The following DOP1B variants were observed in gnomAD, a reference collection of about 807,000 sequenced individuals.
DOP1B encodes the protein protein DOP1B.
A neutral mutation model predicts 233.5 loss-of-function variants in DOP1B; 174 were observed. The ratio of observed to expected loss-of-function variants is 0.75; its 90% confidence interval spans 0.66 to 0.85. The LOEUF is 0.85. Among genes scored for constraint, DOP1B ranks in the 40% least tolerant of loss-of-function variants. The probability of loss-of-function intolerance (pLI) is 0.00; values close to 1 mark genes in which losing one functional copy is unlikely to be tolerated. For synonymous variants in DOP1B, 1,190 were observed against 1,185.6 expected (o/e 1.00, Z -0.08); for missense variants, 2,652 against 2,846.6 (o/e 0.93, Z 1.56).
At chr21:36,293,205 C>CAA (rs3989100) in intron 36 of DOP1B, 115 bp from the exon 37 acceptor site, 607 of 1,030,322 alleles carry the variant, frequency 5.9e-4, no homozygotes, top group South Asian at 8.1e-4. Flanking sequence ...GACTCTGTCT[C>CAA]AAAAAAAAAA....
rs113602661 is a variant in DOP1B, at chr21:36,197,880, G to A, written c.139-1190G>A. Among the ~76,000 whole-genome samples, 72 of 151,996 alleles carry A rather than the reference G, an allele frequency of 4.7e-4. No individual in the cohort carries two copies. In the East Asian group the frequency reaches 5.6e-3, roughly 12 times the overall value. ...CAAAAAATTAGCTGGATGTGGTGGC[G>A]TGTGCCTGTAATCCCAGCTACTCAG... is the stretch of plus-strand genomic sequence containing the variant. On this transcript the variant is annotated intron_variant, in intron 2 of 36. Coordinates refer to ENST00000691173, the MANE Select transcript of DOP1B (RefSeq NM_001320714.2).
intron 15 of DOP1B, among the ~76,000 whole-genome samples, chr21:36,235,561 A>C (rs1273723332): frequency 6.6e-6 from 1 of 151,764 alleles, no homozygotes; most frequent in African/African-American, 2.4e-5. Context: ...CCATGTCTAA[A>C]AAAAAAAAAT....
In DOP1B at chr21:36,248,545, T is replaced by G; in HGVS notation, c.4975T>G (p.Ser1659Ala). ...CCTAGGGGCCACGAAGGGATCCTCTTCCGTTTACTTTAAAACCACCAAAGT... is the reference window on the plus strand; with the variant it reads ...CCTAGGGGCCACGAAGGGATCCTCTGCCGTTTACTTTAAAACCACCAAAGT... ...DLLGATKGSS[S>A]VYFKTTKTIR... The change falls in exon 21 of 37, where the codon TCC (serine) becomes GCC (alanine). Residue 1659 changes from serine (S) to alanine (A), a missense_variant. By Grantham distance (99) the Ser-to-Ala change is moderately conservative (BLOSUM62 1). This residue lies in a region of DOP1B where 2,617 missense variants were observed against 2,794.3 expected (regional missense o/e 0.94). Transcript: ENST00000691173. 1 of 1,610,236 alleles carries G rather than the reference T, an allele frequency of 6.2e-7. No individual in the cohort carries two copies.
At chr21:36,239,588 C>T (rs1259951647) in intron 17 of DOP1B, among the ~76,000 whole-genome samples, 177 bp from the exon 18 acceptor site, 1 of 152,158 alleles carries the variant, frequency 6.6e-6, no homozygotes, top group Non-Finnish European at 1.5e-5. Flanking sequence ...CTGGTGATTC[C>T]AACGCGAAAC....
At chr21:36,198,156 G>T (rs750017954) in intron 2 of DOP1B, among the ~76,000 whole-genome samples, 1 of 152,058 alleles carries the variant, frequency 6.6e-6, no homozygotes, top group Non-Finnish European at 1.5e-5. Flanking sequence ...CCGGCCAGGC[G>T]CAGTGGATCA....
In DOP1B at chr21:36,246,442, G is replaced by A. The variant is rs139195617; in HGVS notation, c.4462G>A (p.Val1488Met). The part of the protein sequence containing the change: ...FQQAISALQY[V>M]QPHPLTSQGL... ...GCAGGCCATCAGCGCCCTGCAGTAC[G>A]TGCAGCCCCACCCCCTCACCTCCCA... is the stretch of plus-strand genomic sequence containing the variant. The change falls in exon 19 of 37, where the codon GTG becomes ATG. Residue 1488 changes from valine (V) to methionine (M), a missense_variant. This residue lies in a region of DOP1B where 2,617 missense variants were observed against 2,794.3 expected (regional missense o/e 0.94). Coordinates refer to ENST00000691173, the MANE Select transcript of DOP1B (RefSeq NM_001320714.2). This position sits in a 1 kb window ranked among gnomAD's most constrained non-coding sequence, Gnocchi z 5.1. 8.8e-5 allele frequency: 142 copies of A among 1,613,716 alleles called. No individual in the cohort carries two copies. Among genetic ancestry groups the A allele is most frequent in the African/African-American group, 7.2e-4 (54 of 75,050 alleles).
rs1163111881 is a variant in DOP1B at position 36,293,337 on chromosome 21, T to A, written c.6663T>A (p.Asp2221Glu). Reference protein sequence around the residue: ...KLKFGEISSSDEITMKSEFPL... With the variant: ...KLKFGEISSSEEITMKSEFPL... ...TTCTGCAGGAAATCAGTAGCTCTGA[T>A]GAGATCACCATGAAGAGTGAATTCC... Residue 2221 changes from aspartate to glutamate, a missense_variant, in exon 37 of 37, where the codon GAT becomes GAA. Transcript: ENST00000691173. The A allele has an allele frequency of 6.2e-7, 1 of 1,614,092 alleles. No homozygotes were observed.
At chr21:36,239,133 A>G (rs189663063) in intron 17 of DOP1B, among the ~76,000 whole-genome samples, 19 of 152,000 alleles carry the variant, frequency 1.3e-4, no homozygotes, top group African/African-American at 3.9e-4. Context: ...CCTGCACATG[A>G]CCCCTCCGAG....
In DOP1B at chr21:36,286,673, C is replaced by A. The variant is rs1001087261; in HGVS notation, c.6161-1341C>A. On this transcript the variant is annotated intron_variant, in intron 32 of 36. Transcript: ENST00000691173. ...ACACACACACACACACACACACACACAAAACTGACTGAGCATGGCAGCTCA... is the reference window on the plus strand; with the variant it reads ...ACACACACACACACACACACACACAAAAAACTGACTGAGCATGGCAGCTCA... Among the ~76,000 whole-genome samples, 3 of 117,882 alleles carry A rather than the reference C, an allele frequency of 2.5e-5. No homozygotes were observed. The East Asian group carries it at 8.4e-4, about 33-fold the overall frequency. The allele number at this position is 117,882 out of a possible 152,430, so 77.3% of individuals were successfully genotyped here.
At chr21:36,229,824 G>GCTAATTT (rs2066738039) in intron 13 of DOP1B, among the ~76,000 whole-genome samples, 1 of 151,820 alleles carries the variant, frequency 6.6e-6, no homozygotes, top group Admixed American at 6.6e-5. Flanking sequence ...ACCATGCCTG[G>GCTAATTT]CTAATTTTTT....
chr21:36,170,027 C>G (rs2065957823), intron 2 of DOP1B: 11 of 737,902 alleles, frequency 1.5e-5, no homozygotes, highest in Non-Finnish European at 2.8e-5. Flanking sequence ...TGGGTCATGC[C>G]AGCCTTGTAT....
chr21:36,235,873 G>GGA (rs55694639), intron 15 of DOP1B, among the ~76,000 whole-genome samples: 1 of 147,174 alleles, frequency 6.8e-6, no homozygotes, highest in Admixed American at 6.8e-5. Flanking sequence ...CGGGGGGGGG[G>GGA]CGGTCTACGT....
chr21:36,174,822 G>C (rs983015905), intron 2 of DOP1B, among the ~76,000 whole-genome samples: 5 of 152,056 alleles, frequency 3.3e-5, no homozygotes, highest in African/African-American at 1.2e-4. Context: ...TTTTACCCCT[G>C]CCTGAATCAA....
Position 36,280,491 on chromosome 21 carries a change from T to C in DOP1B, c.6031+145T>C, listed in dbSNP as rs1269054062. 10 of 521,084 alleles carry C rather than the reference T, an allele frequency of 1.9e-5. No individual in the cohort carries two copies. The South Asian group carries it at 2.8e-4, about 14-fold the overall frequency. The allele number at this position is 521,084 out of a possible 1,614,324, so 32.3% of individuals were successfully genotyped here. ...AGACTGTAATGTGATGTTCATAATA[T>C]GGCAGGACTAAATCAATGAGTCTTT... On this transcript the variant is annotated intron_variant, in intron 31 of 36. Transcript: ENST00000691173.
intron 26 of DOP1B, 120 bp downstream of exon 26, chr21:36,263,934 A>G: frequency 1.9e-6 from 2 of 1,037,278 alleles, no homozygotes; most frequent in Non-Finnish European, 2.9e-6. Flanking sequence ...TTAGCTTTGC[A>G]CTTGTTCTCA....
chr21:36,253,683 C>T (rs776555980), intron 22 of DOP1B, 89 bp from the exon 23 acceptor site: 12 of 1,349,756 alleles, frequency 8.9e-6, no homozygotes, highest in Middle Eastern at 1.9e-4. Flanking sequence ...TCTCCAGGGA[C>T]GACTACTGTA....
intron 2 of DOP1B, among the ~76,000 whole-genome samples, chr21:36,166,294 G>C (rs916721144): frequency 6.6e-6 from 1 of 151,766 alleles, no homozygotes; most frequent in Non-Finnish European, 1.5e-5. Flanking sequence ...AAAATTAGCC[G>C]GGCGTGGTGG....
chr21:36,239,960 G>GAAGCCTGCA lies in DOP1B; in HGVS notation c.3067+5_3067+6insAAGCCTGCA. On this transcript the variant is annotated splice_donor_region_variant and intron_variant, in intron 18 of 36. Coordinates refer to ENST00000691173, the MANE Select transcript of DOP1B (RefSeq NM_001320714.2). ...TCAAGCAGGAGAACTCGGCCGGTGA[G>GAAGCCTGCA]CAGCCTGCACAGGACCCGAGGGTGA... 6.2e-7 allele frequency: 1 copy of GAAGCCTGCA among 1,607,050 alleles called. No individual in the cohort carries two copies. The highest frequency in any genetic ancestry group is 8.5e-7 in the Non-Finnish European group (1 of 1,177,840).
intron 2 of DOP1B, among the ~76,000 whole-genome samples, chr21:36,171,616 A>T (rs894156933): frequency 1.3e-5 from 2 of 152,186 alleles, no homozygotes; most frequent in African/African-American, 4.8e-5. Context: ...ACAAGCCAAG[A>T]AGTGCCAAAG....
Sources: allele counts gnomAD v4.1 joint callset (sites outside exome capture counted in the v4.1 genomes callset), GRCh38; gene constraint gnomAD v4.1.1; regional missense constraint gnomAD v4.1.1; non-coding constraint Gnocchi (gnomAD v3.1); transcripts MANE v1.5; gene names NCBI Gene and HGNC (gene_info 2026-07-23, HGNC 2026-07-21).